MRPL3: variants seen among roughly 807,000 people sequenced by gnomAD.
MRPL3 encodes the protein mitochondrial ribosomal protein L3.
In MRPL3, 43 loss-of-function variants were observed where a neutral mutation model predicts 44.3. The observed-to-expected ratio is 0.97, with a 90% CI of 0.76 to 1.25. MRPL3 has a LOEUF of 1.25. Among genes scored for constraint, MRPL3 ranks in the 50% most tolerant of loss-of-function variants. The probability of loss-of-function intolerance (pLI) is 0.00; values close to 1 mark genes in which losing one functional copy is unlikely to be tolerated. For missense variants in MRPL3, 406 were observed against 427.6 expected (o/e 0.95, Z 0.45); for synonymous variants, 171 against 152.3 (o/e 1.12, Z -0.91).
chr3:131,491,133 C>A (rs1234129734), intron 4 of MRPL3, among the ~76,000 whole-genome samples: 7 of 152,154 alleles, frequency 4.6e-5, no homozygotes, highest in Non-Finnish European at 1.0e-4. Context: ...TCTGTTCCCC[C>A]TTACAGCAAA....
chr3:131,485,189 A>G (rs1934091435), intron 6 of MRPL3, among the ~76,000 whole-genome samples: 2 of 152,202 alleles, frequency 1.3e-5, no homozygotes, highest in South Asian at 4.1e-4. Context: ...TGCTTACAAG[A>G]AGGCAGCTGA....
At chr3:131,479,567 G>A (rs1247296614) in intron 6 of MRPL3, among the ~76,000 whole-genome samples, 2 of 152,132 alleles carry the variant, frequency 1.3e-5, no homozygotes, top group African/African-American at 2.4e-5. Flanking sequence ...AAATCGGGCC[G>A]GGCATGGTGG....
intron 6 of MRPL3, among the ~76,000 whole-genome samples, chr3:131,476,068 C>T (rs974861491): frequency 2.6e-5 from 4 of 152,130 alleles, no homozygotes; most frequent in Non-Finnish European, 5.9e-5. Flanking sequence ...AGAACACATG[C>T]CAGGTGAACT....
rs1172736459 is a variant in MRPL3, at chr3:131,501,522, A to T, written c.277+9T>A. 6.2e-7 allele frequency: 1 copy of T among 1,606,666 alleles called. No homozygotes were observed. Among genetic ancestry groups the T allele is most frequent in the Non-Finnish European group, 8.5e-7 (1 of 1,176,534 alleles). On this transcript the variant is annotated intron_variant, in intron 2 of 9. Coordinates refer to ENST00000264995, the MANE Select transcript of MRPL3 (RefSeq NM_007208.4). ...GGAAATGAGAGCTCATCAAATACAA[A>T]ATAATCACCTGGTTCCCAAGGATGT... is the stretch of plus-strand genomic sequence containing the variant.
rs1375947070 is a variant in MRPL3 at position 131,474,429 on chromosome 3, G to A, written c.630-3150C>T. Among the ~76,000 whole-genome samples the A allele has an allele frequency of 3.3e-5, 5 of 152,034 alleles. No homozygotes were observed. The East Asian group carries it at 9.6e-4, about 29-fold the overall frequency. ...ATGGGAATGAGGAGGATGGGGAGAG[G>A]TTGGTTAATAGGTAGATAGAAGGAA... is the stretch of plus-strand genomic sequence containing the variant. On this transcript the variant is annotated intron_variant, in intron 6 of 9. Transcript: ENST00000264995.
Position 131,482,510 on chromosome 3 carries a change from G to A in MRPL3, c.629+5170C>T, listed in dbSNP as rs182840408. The stretch of plus-strand genomic sequence containing the variant: ...AGCCTGGGCAACAGAGCAAGACTCC[G>A]TCTCAAAAAAAAAAAAAAAAATTTT... On this transcript the variant is annotated intron_variant, in intron 6 of 9. Coordinates refer to ENST00000264995, the MANE Select transcript of MRPL3 (RefSeq NM_007208.4). Among the ~76,000 whole-genome samples the A allele has an allele frequency of 9.1e-3, 1,313 of 144,884 alleles. 15 individuals carry two copies. Among genetic ancestry groups the A allele is most frequent in the African/African-American group, 0.03 (1,174 of 39,278 alleles).
chr3:131,478,650 T>A (rs1468527557), intron 6 of MRPL3, among the ~76,000 whole-genome samples: 3 of 151,972 alleles, frequency 2.0e-5, no homozygotes, highest in African/African-American at 7.3e-5. Context: ...TTCCCACTAT[T>A]GTCATGAAAA....
At chr3:131,487,577 A>G in intron 6 of MRPL3, 103 bp downstream of exon 6, 1 of 894,646 alleles carries the variant, frequency 1.1e-6, no homozygotes, top group South Asian at 1.5e-5. Flanking sequence ...AAATATATTT[A>G]TCCTTTATTC....
chr3:131,485,476 A>T (rs1283211976), intron 6 of MRPL3, among the ~76,000 whole-genome samples: 2 of 152,224 alleles, frequency 1.3e-5, no homozygotes, highest in Non-Finnish European at 2.9e-5. Context: ...TTCAAAAATT[A>T]ACAAGTAAAA....
chr3:131,498,617 G>C (rs1188971335), intron 3 of MRPL3, among the ~76,000 whole-genome samples: 4 of 147,830 alleles, frequency 2.7e-5, no homozygotes, highest in East Asian at 2.0e-4. Flanking sequence ...CAGAAGAATG[G>C]CAAGAACCCG....
At chr3:131,465,255 T>C (rs992570795) in intron 9 of MRPL3, among the ~76,000 whole-genome samples, 1 of 152,242 alleles carries the variant, frequency 6.6e-6, no homozygotes, top group Non-Finnish European at 1.5e-5. Flanking sequence ...CTTCTGAGTA[T>C]CTTCAGTGAT....
chr3:131,488,747 G>A (rs1411001836), intron 5 of MRPL3: 2 of 151,888 alleles, frequency 1.3e-5, no homozygotes, highest in African/African-American at 4.8e-5. Flanking sequence ...ATTGCAGGGG[G>A]GGAACTTCCT....
In MRPL3 at chr3:131,462,767, C is replaced by G. The variant is rs1391503171; in HGVS notation, c.1003G>C (p.Glu335Gln). 3.7e-6 allele frequency: 6 copies of G among 1,612,794 alleles called. No individual in the cohort carries two copies. The highest frequency in any genetic ancestry group is 5.1e-6 in the Non-Finnish European group (6 of 1,179,336). ...GGCGCACCGGGCTGACACACGTTTT[C>G]ATCATACAAATCTTCTGGCAGTTCC... ...EEELPEDLYD[E>Q]NVCQPGAPSI... Residue 335 changes from glutamate to glutamine, a missense_variant, in exon 10 of 10, where the codon GAA becomes CAA. Physicochemically the swap from Glu to Gln is conservative, Grantham distance 29. Transcript: ENST00000264995.
intron 4 of MRPL3, among the ~76,000 whole-genome samples, chr3:131,497,102 C>T (rs896108344): frequency 2.0e-5 from 3 of 152,208 alleles, no homozygotes; most frequent in Non-Finnish European, 4.4e-5. Flanking sequence ...CGGTTCTGTG[C>T]TCCTTGGATT....
In MRPL3 at chr3:131,502,875, T is replaced by G. The variant is rs1162694341; in HGVS notation, c.-54A>C. ...ACTTCCGGGCGCCCTGCCGCTCTGCTTTCAGGGAGTCCCCACGCCACCGCC... is the reference window on the plus strand; with the variant it reads ...ACTTCCGGGCGCCCTGCCGCTCTGCGTTCAGGGAGTCCCCACGCCACCGCC... On this transcript the variant is annotated 5_prime_UTR_variant, in exon 1 of 10. Coordinates refer to ENST00000264995, the MANE Select transcript of MRPL3 (RefSeq NM_007208.4). 5 of 1,529,308 alleles carry G rather than the reference T, an allele frequency of 3.3e-6. No homozygotes were observed. Among genetic ancestry groups the G allele is most frequent in the Middle Eastern group, 1.7e-4 (1 of 5,868 alleles). The allele number at this position is 1,529,308 out of a possible 1,614,324, so 94.7% of individuals were successfully genotyped here.
chr3:131,469,157 T>A (rs1933685412), intron 8 of MRPL3, among the ~76,000 whole-genome samples: 1 of 151,982 alleles, frequency 6.6e-6, no homozygotes, highest in Non-Finnish European at 1.5e-5. Flanking sequence ...ATGTATATCA[T>A]AATCCTTTTG....
At chr3:131,469,404 T>C (rs928635858) in intron 8 of MRPL3, among the ~76,000 whole-genome samples, 8 of 152,086 alleles carry the variant, frequency 5.3e-5, no homozygotes, top group Non-Finnish European at 8.8e-5. Flanking sequence ...ACTTTTTTCA[T>C]GCAACAATAT....
chr3:131,468,601 G>GA (rs1933673910), intron 8 of MRPL3, among the ~76,000 whole-genome samples: 1 of 151,984 alleles, frequency 6.6e-6, no homozygotes, highest in Admixed American at 6.6e-5. Context: ...TTCATGTGGA[G>GA]AAAAAACGTA....
chr3:131,500,622 G>T, intron 2 of MRPL3, 101 bp from the exon 3 acceptor site: 1 of 880,174 alleles, frequency 1.1e-6, no homozygotes, highest in Non-Finnish European at 1.8e-6. Flanking sequence ...ATGAGGAGCA[G>T]GCACGTAAGA....
Sources: allele counts gnomAD v4.1 joint callset (sites outside exome capture counted in the v4.1 genomes callset), GRCh38; gene constraint gnomAD v4.1.1; transcripts MANE v1.5; gene names NCBI Gene and HGNC (gene_info 2026-07-23, HGNC 2026-07-21).